Variants in CDH4 observed in about 807,000 individuals in gnomAD.
CDH4 encodes the protein cadherin 4.
In CDH4, 33 loss-of-function variants were observed where a neutral mutation model predicts 86.0. The observed-to-expected ratio is 0.38, with a 90% CI of 0.29 to 0.51. The LOEUF is 0.51. Among genes scored for constraint, CDH4 ranks in the 20% least tolerant of loss-of-function variants. The pLI is 0.86. For synonymous variants in CDH4, 555 were observed against 549.4 expected, an observed-to-expected ratio of 1.01 and a Z score of -0.14; for missense variants, 1,114 against 1,307.4, an observed-to-expected ratio of 0.85 and a Z score of 2.28.
chr20:61,285,220 G>A (rs1024327141), intron 2 of CDH4, among the ~76,000 whole-genome samples: 3 of 152,220 alleles, frequency 2.0e-5, no homozygotes, highest in African/African-American at 4.8e-5. Context: ...TTGACAGGTG[G>A]GAAAACAGAC....
intron 3 of CDH4, among the ~76,000 whole-genome samples, chr20:61,753,161 C>A (rs911578409): frequency 6.6e-6 from 1 of 152,088 alleles, no homozygotes; most frequent in African/African-American, 2.4e-5. Context: ...GTTTACAGAG[C>A]GCTGGGAGTC....
rs577135801 is a variant in CDH4 at position 61,620,270 on chromosome 20, G to A, written c.170-123293G>A. Among the ~76,000 whole-genome samples the A allele has an allele frequency of 5.0e-5, 7 of 138,930 alleles. No individual in the cohort carries two copies. The South Asian group carries it at 1.6e-3, about 31-fold the overall frequency. The allele number at this position is 138,930 out of a possible 152,430, so 91.1% of individuals were successfully genotyped here. ...TGGGTAGATAGATGATGGATGGGTG[G>A]GTAGATGGTTGATGGATGGATGATA... On this transcript the variant is annotated intron_variant, in intron 2 of 15. Transcript: ENST00000614565.
chr20:61,257,898 C>G (rs1043581205), intron 2 of CDH4, among the ~76,000 whole-genome samples: 2 of 152,148 alleles, frequency 1.3e-5, no homozygotes, highest in Non-Finnish European at 2.9e-5. Flanking sequence ...TAGTGGGAAC[C>G]GAGGGCTCCC....
chr20:61,908,534 C>T (rs1282661607), intron 8 of CDH4, among the ~76,000 whole-genome samples: 1 of 152,184 alleles, frequency 6.6e-6, no homozygotes, highest in Non-Finnish European at 1.5e-5. Context: ...ACCGCTGCCT[C>T]GGGGCCTCTG....
intron 2 of CDH4, among the ~76,000 whole-genome samples, chr20:61,302,423 A>C (rs1214313507): frequency 6.6e-6 from 1 of 152,240 alleles, no homozygotes; most frequent in East Asian, 1.9e-4. Context: ...GCCTAACTTC[A>C]GATGAACGGT....
chr20:61,839,381 G>A (rs951311507), intron 4 of CDH4, among the ~76,000 whole-genome samples: 5 of 151,870 alleles, frequency 3.3e-5, no homozygotes, highest in African/African-American at 4.8e-5. Flanking sequence ...TGTGTGTTGT[G>A]TGTGTATGTG....
At chr20:61,563,103 G>A (rs2086233863) in intron 2 of CDH4, among the ~76,000 whole-genome samples, 2 of 152,234 alleles carry the variant, frequency 1.3e-5, no homozygotes, top group African/African-American at 4.8e-5. Context: ...ACTGCCCAGC[G>A]GCAGCTCTGC....
At chr20:61,887,208 G>A (rs1445607598) in intron 7 of CDH4, among the ~76,000 whole-genome samples, 1 of 152,136 alleles carries the variant, frequency 6.6e-6, no homozygotes, top group African/African-American at 2.4e-5. Flanking sequence ...GGGGAGCCAG[G>A]CCAACCCTGC....
intron 2 of CDH4, among the ~76,000 whole-genome samples, chr20:61,588,350 C>T (rs1260625539): frequency 6.6e-6 from 1 of 152,188 alleles, no homozygotes; most frequent in Non-Finnish European, 1.5e-5. Context: ...CAACGCTGGT[C>T]CTGCTTCCAG....
At chr20:61,337,125 C>T (rs2084621461) in intron 2 of CDH4, among the ~76,000 whole-genome samples, 1 of 151,940 alleles carries the variant, frequency 6.6e-6, no homozygotes, top group African/African-American at 2.4e-5. Context: ...CTCTGAGTGA[C>T]TGATCCTTCG....
intron 2 of CDH4, among the ~76,000 whole-genome samples, chr20:61,511,425 C>T (rs144726121): frequency 1.1e-3 from 163 of 152,284 alleles, no homozygotes; most frequent in African/African-American, 3.6e-3. Flanking sequence ...CACCATAATG[C>T]AGAATTCATT....
intron 2 of CDH4, among the ~76,000 whole-genome samples, chr20:61,302,431 G>A (rs1028470678): frequency 6.6e-6 from 1 of 152,188 alleles, no homozygotes; most frequent in African/African-American, 2.4e-5. Context: ...TCAGATGAAC[G>A]GTGAAAAGCA....
chr20:61,548,994 G>A (rs1366043114), intron 2 of CDH4, among the ~76,000 whole-genome samples: 1 of 152,054 alleles, frequency 6.6e-6, no homozygotes, highest in Non-Finnish European at 1.5e-5. Flanking sequence ...GGGGGGAGAG[G>A]CGGGTGGAAG....
At chr20:61,274,988 CTA>C (rs2084219044) in intron 2 of CDH4, among the ~76,000 whole-genome samples, 1 of 136,648 alleles carries the variant, frequency 7.3e-6, no homozygotes. Flanking sequence ...TGGGGGAGTA[CTA>C]TGTGCAGTTT....
rs2085820280 is a variant in CDH4, at chr20:61,516,328, A to G, written c.170-227235A>G. ...TCCTTACATCCCGTCTATTAATGCC[A>G]TGGTCCCTGAGCAGTCATGGGACCA... On this transcript the variant is annotated intron_variant, in intron 2 of 15. Transcript: ENST00000614565. This position sits in a 1 kb window ranked among gnomAD's most constrained non-coding sequence, Gnocchi z 4.0. Among the ~76,000 whole-genome samples, 1 of 152,258 alleles carries G rather than the reference A, an allele frequency of 6.6e-6. No individual in the cohort carries two copies.
At chr20:61,497,972 C>A (rs2085674111) in intron 2 of CDH4, among the ~76,000 whole-genome samples, 1 of 149,488 alleles carries the variant, frequency 6.7e-6, no homozygotes, top group Admixed American at 6.8e-5. Context: ...AAACCAAACA[C>A]CGCATGTTCT....
Position 61,932,248 on chromosome 20 carries a change from G to A in CDH4, c.2240-737G>A, listed in dbSNP as rs139452321. 7.3e-3 allele frequency among the ~76,000 whole-genome samples: 1,112 copies of A among 152,286 alleles called. 13 individuals carry two copies. Among genetic ancestry groups the A allele is most frequent in the African/African-American group, 0.024 (1,015 of 41,548 alleles). On this transcript the variant is annotated intron_variant, in intron 13 of 15. Coordinates refer to ENST00000614565, the MANE Select transcript of CDH4 (RefSeq NM_001794.5). ...CCCCCATGTCCTCCCGTCCCCAGGCGGTGAGAGGCACCCTGAGCTGGCTGC... is the reference window on the plus strand; with the variant it reads ...CCCCCATGTCCTCCCGTCCCCAGGCAGTGAGAGGCACCCTGAGCTGGCTGC...
chr20:61,851,926 C>A (rs1338707588), intron 5 of CDH4, among the ~76,000 whole-genome samples: 1 of 152,264 alleles, frequency 6.6e-6, no homozygotes, highest in African/African-American at 2.4e-5. Context: ...TCCAGCCCAG[C>A]ACCTGCCATT....
intron 2 of CDH4, among the ~76,000 whole-genome samples, chr20:61,301,434 G>A (rs3859605): frequency 6.6e-6 from 1 of 152,236 alleles, no homozygotes; most frequent in Non-Finnish European, 1.5e-5. Flanking sequence ...GCCTGGGCGT[G>A]TGCATTTTGC....
Sources: gnomAD v4.1 joint callset for allele counts (sites outside exome capture counted in the v4.1 genomes callset) on GRCh38, gnomAD v4.1.1 for gene constraint, Gnocchi (gnomAD v3.1) non-coding constraint, MANE v1.5 for transcripts, NCBI Gene and HGNC (gene_info 2026-07-23, HGNC 2026-07-21) for gene names.